Variants in PHF14 observed in about 807,000 individuals in gnomAD.
PHF14 encodes the protein PHD finger protein 14.
PHF14 carries 55 observed loss-of-function variants against 117.9 expected under a neutral mutation model. The ratio of observed to expected loss-of-function variants is 0.47; its 90% CI spans 0.38 to 0.58. PHF14 has a LOEUF of 0.58. Ranked by LOEUF, PHF14 falls within the 20% of genes least tolerant of loss-of-function variation. The probability of loss-of-function intolerance (pLI) is 0.00; values close to 1 mark genes in which losing one functional copy is unlikely to be tolerated. For synonymous variants in PHF14, 409 were observed against 368.6 expected (o/e 1.11, Z -1.26); for missense variants, 978 against 1,122.2 (o/e 0.87, Z 1.84).
chr7:11,001,177 G>T (rs1449203686), intron 4 of PHF14, among the ~76,000 whole-genome samples: 2 of 151,892 alleles, frequency 1.3e-5, no homozygotes, highest in Admixed American at 6.6e-5. Flanking sequence ...TATTGCCTTT[G>T]CTCCTTTGTC....
intron 12 of PHF14, among the ~76,000 whole-genome samples, chr7:11,041,470 G>A (rs941101874): frequency 1.3e-5 from 2 of 150,832 alleles, no homozygotes; most frequent in South Asian, 2.1e-4. Flanking sequence ...ATTTATCTAT[G>A]TATATGCATA....
chr7:11,043,539 T>C (rs985267205), intron 13 of PHF14, among the ~76,000 whole-genome samples: 13 of 152,156 alleles, frequency 8.5e-5, no homozygotes, highest in Admixed American at 4.6e-4. Context: ...AATGGTAATC[T>C]CTACAAGAGG....
intron 3 of PHF14, among the ~76,000 whole-genome samples, chr7:10,985,169 T>C (rs1373044195): frequency 6.6e-6 from 1 of 152,172 alleles, no homozygotes; most frequent in South Asian, 2.1e-4. Flanking sequence ...TTGTATGATC[T>C]TAATTTTGTG....
At chr7:11,044,426 G>T (rs1169627177) in intron 13 of PHF14, among the ~76,000 whole-genome samples, 2 of 152,128 alleles carry the variant, frequency 1.3e-5, no homozygotes, top group Non-Finnish European at 2.9e-5. Context: ...ATTGTTGTTA[G>T]TGGTTTTTAA....
At chr7:11,020,937 G>A (rs968546014) in intron 5 of PHF14, among the ~76,000 whole-genome samples, 42 of 152,192 alleles carry the variant, frequency 2.8e-4, no homozygotes, top group African/African-American at 9.2e-4. Context: ...CCTTTATGGT[G>A]CTCTGTGCCT....
chr7:10,991,758 A>AATTT (rs1782461074), intron 4 of PHF14, among the ~76,000 whole-genome samples: 1 of 87,388 alleles, frequency 1.1e-5, no homozygotes, highest in African/African-American at 5.2e-5. Context: ...TTAATTTTTT[A>AATTT]ATTTTTTTTT....
intron 4 of PHF14, among the ~76,000 whole-genome samples, chr7:11,002,080 T>C (rs1009737868): frequency 1.4e-4 from 22 of 152,166 alleles, no homozygotes; most frequent in Non-Finnish European, 3.1e-4. Context: ...AGTCTCACTC[T>C]GCTGCCCAGG....
intron 16 of PHF14, among the ~76,000 whole-genome samples, chr7:11,078,581 GAGAA>G (rs1378158176): frequency 2.0e-5 from 3 of 152,238 alleles, no homozygotes; most frequent in Non-Finnish European, 4.4e-5. Flanking sequence ...AAGTTAAGAA[GAGAA>G]AGAAATTCAG....
intron 16 of PHF14, among the ~76,000 whole-genome samples, chr7:11,089,106 A>AC (rs1554270534): frequency 2.0e-5 from 3 of 151,878 alleles, no homozygotes; most frequent in African/African-American, 4.8e-5. Context: ...AAAAAAAAAA[A>AC]ACCGTAGCCC....
intron 4 of PHF14, among the ~76,000 whole-genome samples, chr7:10,991,695 G>C (rs1424017179): frequency 6.8e-6 from 1 of 147,920 alleles, no homozygotes; most frequent in Non-Finnish European, 1.5e-5. Context: ...AAAGGTCGGT[G>C]TTCTGGTATT....
At chr7:11,081,782 G>A (rs561384695) in intron 16 of PHF14, among the ~76,000 whole-genome samples, 11 of 151,930 alleles carry the variant, frequency 7.2e-5, no homozygotes, top group Non-Finnish European at 1.3e-4. Flanking sequence ...CTTGAGCCCC[G>A]GAGGCAGAGG....
At chr7:11,016,804 AC>A (rs1783550155) in intron 5 of PHF14, among the ~76,000 whole-genome samples, 1 of 152,210 alleles carries the variant, frequency 6.6e-6, no homozygotes, top group African/African-American at 2.4e-5. Flanking sequence ...GACTGTAGTC[AC>A]CCTGTTGTGC....
rs1219894103 is a variant in PHF14, at chr7:11,042,733, A to T, written c.2231A>T (p.Asp744Val). The T allele has an allele frequency of 6.3e-7, 1 of 1,594,720 alleles. No individual in the cohort carries two copies. The highest frequency in any genetic ancestry group is 8.6e-7 in the Non-Finnish European group (1 of 1,167,570). ...GATCAGCATCTTCTTTTATTGTGTG[A>T]TACCTGTAAACTACATTACCATCTT... ...NHDQHLLLLCDTCKLHYHLGC... is the reference protein window; with the variant it reads ...NHDQHLLLLCVTCKLHYHLGC... Residue 744 changes from aspartate to valine, a missense_variant, in exon 13 of 18, where the codon GAT (aspartate) becomes GTT (valine). By Grantham distance (152) the Asp-to-Val change is radical (BLOSUM62 -3). Transcript: ENST00000634607.
chr7:11,023,287 A>C (rs1783796745), intron 6 of PHF14, among the ~76,000 whole-genome samples: 2 of 152,252 alleles, frequency 1.3e-5, no homozygotes, highest in South Asian at 4.1e-4. Context: ...TGGATCAAAT[A>C]TAAGCCTAAT....
intron 17 of PHF14, among the ~76,000 whole-genome samples, chr7:11,120,882 T>G (rs558998995): frequency 5.3e-5 from 8 of 152,262 alleles, no homozygotes; most frequent in African/African-American, 1.9e-4. Context: ...TACGGAAACT[T>G]GTTTTTTACT....
intron 14 of PHF14, among the ~76,000 whole-genome samples, chr7:11,055,309 T>G (rs1251698077): frequency 1.3e-5 from 2 of 152,190 alleles, no homozygotes; most frequent in African/African-American, 4.8e-5. Context: ...ACTTGAAAGC[T>G]TTCAGATTTT....
chr7:11,123,401 A>G (rs1446194995), intron 17 of PHF14, among the ~76,000 whole-genome samples: 4 of 152,162 alleles, frequency 2.6e-5, no homozygotes, highest in Non-Finnish European at 4.4e-5. Context: ...ATGTATATTA[A>G]TTTGATCTTC....
At chr7:11,119,589 G>C (rs1203011028) in intron 17 of PHF14, among the ~76,000 whole-genome samples, 1 of 151,686 alleles carries the variant, frequency 6.6e-6, no homozygotes, top group Non-Finnish European at 1.5e-5. Context: ...TTAAATCCTG[G>C]CTTCAAAAAA....
intron 16 of PHF14, among the ~76,000 whole-genome samples, chr7:11,091,111 C>G (rs534805762): frequency 2.0e-5 from 3 of 152,278 alleles, no homozygotes; most frequent in African/African-American, 7.2e-5. Context: ...GGTGACATAC[C>G]TGATGAACAC....
Sources: gnomAD v4.1 joint callset for allele counts (sites outside exome capture counted in the v4.1 genomes callset) on GRCh38, gnomAD v4.1.1 for gene constraint, MANE v1.5 for transcripts, NCBI Gene and HGNC (gene_info 2026-07-23, HGNC 2026-07-21) for gene names.